The following TMCC3 variants were observed in gnomAD, a reference collection of about 807,000 sequenced individuals.
TMCC3 encodes transmembrane and coiled-coil domain protein 3.
TMCC3 carries 28 observed loss-of-function variants against 40.2 expected under a neutral mutation model. That is an observed-to-expected ratio of 0.70 (90% CI 0.52 to 0.95). The LOEUF is 0.95. Among genes scored for constraint, TMCC3 ranks in the 40% least tolerant of loss-of-function variants. The pLI, the probability that TMCC3 is intolerant of heterozygous loss-of-function variation, is 0.00. For missense variants in TMCC3, 554 were observed against 615.2 expected, an observed-to-expected ratio of 0.90 and a Z score of 1.05; for synonymous variants, 255 against 248.5, an observed-to-expected ratio of 1.03 and a Z score of -0.25.
intron 1 of TMCC3, among the ~76,000 whole-genome samples, chr12:94,597,847 C>G (rs1275854709): frequency 6.6e-6 from 1 of 152,004 alleles, no homozygotes; most frequent in African/African-American, 2.4e-5. Context: ...AATAATTTCT[C>G]TAATGCACCA....
chr12:94,571,368 G>T lies in TMCC3; in HGVS notation c.*67C>A. On this transcript the variant is annotated 3_prime_UTR_variant, in exon 4 of 4. Coordinates refer to ENST00000261226, the MANE Select transcript of TMCC3 (RefSeq NM_020698.4). ...CGCACAATCATTCACTGTAAAATTTGGTAGTATGCACAGAGTTTTCTTTAA... is the reference window on the plus strand; with the variant it reads ...CGCACAATCATTCACTGTAAAATTTTGTAGTATGCACAGAGTTTTCTTTAA... 6.7e-7 allele frequency: 1 copy of T among 1,500,738 alleles called. No individual in the cohort carries two copies. The highest frequency in any genetic ancestry group is 9.1e-7 in the Non-Finnish European group (1 of 1,101,610). The allele number at this position is 1,500,738 out of a possible 1,614,324, so 93.0% of individuals were successfully genotyped here.
Position 94,632,922 on chromosome 12 carries a change from C to G in TMCC3, c.78+17431G>C, listed in dbSNP as rs1360845387. Among the ~76,000 whole-genome samples, 3 of 152,206 alleles carry G rather than the reference C, an allele frequency of 2.0e-5. No homozygotes were observed. The South Asian group carries it at 6.2e-4, about 31-fold the overall frequency. On this transcript the variant is annotated intron_variant, in intron 1 of 3. Coordinates refer to ENST00000261226, the MANE Select transcript of TMCC3 (RefSeq NM_020698.4). ...AGGAGTTGAAGACCAGCCTGGCCAA[C>G]AGGGTGAAACGCCATCTCTACTAAA...
In TMCC3 at chr12:94,650,368, G is replaced by T. The variant is rs1476598414; in HGVS notation, c.63C>A (p.His21Gln). The change falls in exon 1 of 4, where the codon CAC becomes CAA. Residue 21 changes from histidine (H) to glutamine (Q), a missense_variant. His to Gln is a conservative substitution (Grantham distance 24). Transcript: ENST00000261226. ...DRTYSYPGRH[H>Q]RCKSRVERHD... ...CTGCGCTCACCCGGCTCTTGCAGCG[G>T]TGGTGCCGGCCGGGGTACGAGTAGG... The T allele has an allele frequency of 7.5e-7, 1 of 1,339,940 alleles. No homozygotes were observed. Among genetic ancestry groups the T allele is most frequent in the Non-Finnish European group, 9.6e-7 (1 of 1,039,006 alleles). The allele number at this position is 1,339,940 out of a possible 1,614,324, so 83.0% of individuals were successfully genotyped here.
chr12:94,640,069 C>T (rs978283855), intron 1 of TMCC3, among the ~76,000 whole-genome samples: 1 of 152,334 alleles, frequency 6.6e-6, no homozygotes, highest in African/African-American at 2.4e-5. Flanking sequence ...CATAGAATCA[C>T]AGTGAGCGAG....
chr12:94,619,465 A>G (rs532832705), intron 1 of TMCC3, among the ~76,000 whole-genome samples: 1 of 152,246 alleles, frequency 6.6e-6, no homozygotes, highest in South Asian at 2.1e-4. Context: ...TCTTTCTCAT[A>G]GCTCATGTCA....
chr12:94,639,213 C>T (rs2068976045), intron 1 of TMCC3, among the ~76,000 whole-genome samples: 1 of 152,200 alleles, frequency 6.6e-6, no homozygotes, highest in African/African-American at 2.4e-5. Context: ...AGTATTTCCA[C>T]CTAGATGAGA....
At chr12:94,612,294 C>T (rs1403265567) in intron 1 of TMCC3, among the ~76,000 whole-genome samples, 1 of 151,228 alleles carries the variant, frequency 6.6e-6, no homozygotes, top group Non-Finnish European at 1.5e-5. Flanking sequence ...CCAGCGTGCC[C>T]AAATGGTTCT....
intron 1 of TMCC3, among the ~76,000 whole-genome samples, chr12:94,613,431 C>A (rs2068828137): frequency 6.6e-6 from 1 of 152,124 alleles, no homozygotes; most frequent in South Asian, 2.1e-4. Flanking sequence ...CACGCCACTG[C>A]ACTCCAGCCT....
rs1326850388 is a variant in TMCC3 at position 94,584,685 on chromosome 12, C to T, written c.79-2147G>A. 6.6e-5 allele frequency among the ~76,000 whole-genome samples: 10 copies of T among 151,562 alleles called. 1 individual carries two copies. The Admixed American group carries it at 6.6e-4, about 10-fold the overall frequency. On this transcript the variant is annotated intron_variant, in intron 1 of 3. Coordinates refer to ENST00000261226, the MANE Select transcript of TMCC3 (RefSeq NM_020698.4). ...AACATTCGTTAGCATTAGCTCTTAGCCCCTCTCTTCCAATGCACAATTTTG... is the reference window on the plus strand; with the variant it reads ...AACATTCGTTAGCATTAGCTCTTAGTCCCTCTCTTCCAATGCACAATTTTG...
At chr12:94,634,291 A>AC (rs2068948936) in intron 1 of TMCC3, among the ~76,000 whole-genome samples, 1 of 151,964 alleles carries the variant, frequency 6.6e-6, no homozygotes, top group Non-Finnish European at 1.5e-5. Flanking sequence ...CATTCTAATT[A>AC]CCCCAAACAT....
Position 94,572,437 on chromosome 12 carries a change from A to G in TMCC3, c.1132-700T>C, listed in dbSNP as rs149724464. Among the ~76,000 whole-genome samples the G allele has an allele frequency of 2.9e-3, 423 of 148,130 alleles. 3 individuals carry two copies. Among genetic ancestry groups the G allele is most frequent in the African/African-American group, 0.01 (410 of 39,862 alleles). ...GCAATTCTCCTGCCTCAGCCTCCTG[A>G]GTAGCTGGGATTACAGGTGCACGCC... On this transcript the variant is annotated intron_variant, in intron 3 of 3. Transcript: ENST00000261226.
At chr12:94,622,379 T>C (rs2068880458) in intron 1 of TMCC3, among the ~76,000 whole-genome samples, 1 of 152,202 alleles carries the variant, frequency 6.6e-6, no homozygotes, top group South Asian at 2.1e-4. Flanking sequence ...GAATATGTTA[T>C]ATTTCTTTTC....
chr12:94,646,111 A>C (rs1336775955), intron 1 of TMCC3, among the ~76,000 whole-genome samples: 2 of 152,176 alleles, frequency 1.3e-5, no homozygotes, highest in Non-Finnish European at 2.9e-5. Context: ...TCTGTAGGGA[A>C]AATAATATGG....
rs1312401005 is a variant in TMCC3, at chr12:94,650,481, G to A, written c.-51C>T. 5 of 1,227,014 alleles carry A rather than the reference G, an allele frequency of 4.1e-6. No homozygotes were observed. The highest frequency in any genetic ancestry group is 6.0e-5 in the South Asian group (2 of 33,274). The allele number at this position is 1,227,014 out of a possible 1,614,324, so 76.0% of individuals were successfully genotyped here. A position where few individuals can be genotyped will look rare whatever the true frequency, so the allele number is the denominator to read the frequency against. On this transcript the variant is annotated 5_prime_UTR_variant, in exon 1 of 4. Transcript: ENST00000261226. Reference sequence around the variant, plus strand: ...CCGTCTTCTGGGGCTGCCGCGCCGCGAGCCACCGGCTGTGCTCGGGATCAC... The same window carrying A: ...CCGTCTTCTGGGGCTGCCGCGCCGCAAGCCACCGGCTGTGCTCGGGATCAC...
chr12:94,572,282 G>A (rs1466566558), intron 3 of TMCC3, among the ~76,000 whole-genome samples: 2 of 142,948 alleles, frequency 1.4e-5, no homozygotes, highest in Non-Finnish European at 3.0e-5. Flanking sequence ...ATAGGTGTGA[G>A]CCACCATGCC....
intron 1 of TMCC3, among the ~76,000 whole-genome samples, chr12:94,632,733 A>T (rs1414814941): frequency 6.6e-6 from 1 of 152,238 alleles, no homozygotes; most frequent in Non-Finnish European, 1.5e-5. Flanking sequence ...ATGGCTGTAA[A>T]TACACTCTGG....
chr12:94,621,946 TCTTTCA>T (rs1437130792), intron 1 of TMCC3, among the ~76,000 whole-genome samples: 1 of 152,188 alleles, frequency 6.6e-6, no homozygotes, highest in African/African-American at 2.4e-5. Flanking sequence ...CCCTCGGAAT[TCTTTCA>T]CTTTCAGTAT....
chr12:94,640,645 G>A (rs1427220812), intron 1 of TMCC3, among the ~76,000 whole-genome samples: 6 of 152,204 alleles, frequency 3.9e-5, no homozygotes, highest in South Asian at 2.1e-4. Flanking sequence ...GCTGTGTGTC[G>A]TAGATGTGGG....
chr12:94,605,843 G>A (rs1294191195), intron 1 of TMCC3, among the ~76,000 whole-genome samples: 5 of 152,018 alleles, frequency 3.3e-5, no homozygotes, highest in Non-Finnish European at 2.9e-5. Flanking sequence ...CAATGTACAC[G>A]GCAAATCACA....
Sources: allele counts gnomAD v4.1 joint callset (sites outside exome capture counted in the v4.1 genomes callset), GRCh38; gene constraint gnomAD v4.1.1; transcripts MANE v1.5; gene names NCBI Gene and HGNC (gene_info 2026-07-23, HGNC 2026-07-21).